The following LRBA variants were observed in gnomAD, a reference collection of about 807,000 sequenced individuals.
LRBA encodes LPS responsive beige-like anchor protein, also known as lipopolysaccharide-responsive and beige-like anchor protein.
LRBA carries 176 observed loss-of-function variants against 330.0 expected under a neutral mutation model. That is an observed-to-expected ratio of 0.53 (90% CI 0.47 to 0.60). LRBA has a LOEUF of 0.60. LRBA is among the 20% of genes least tolerant of loss of function. The pLI, the probability that LRBA is intolerant of heterozygous loss-of-function variation, is 0.00. For synonymous variants in LRBA, 1,230 were observed against 1,193.0 expected, an observed-to-expected ratio of 1.03 and a Z score of -0.64; for missense variants, 3,259 against 3,444.8, an observed-to-expected ratio of 0.95 and a Z score of 1.35.
At chr4:150,709,220 T>C (rs189394040) in intron 36 of LRBA, among the ~76,000 whole-genome samples, 5 of 151,890 alleles carry the variant, frequency 3.3e-5, no homozygotes, top group Non-Finnish European at 5.9e-5. Flanking sequence ...TTGGAAACCA[T>C]GTTCCTTCTA....
At chr4:150,463,311 T>C (rs953774481) in intron 44 of LRBA, among the ~76,000 whole-genome samples, 2 of 152,022 alleles carry the variant, frequency 1.3e-5, no homozygotes, top group Non-Finnish European at 2.9e-5. Context: ...TACTGTTCAT[T>C]ATTCAACTGT....
At chr4:150,269,852 G>A (rs1745837972) in intron 56 of LRBA, among the ~76,000 whole-genome samples, 3 of 152,242 alleles carry the variant, frequency 2.0e-5, no homozygotes, top group African/African-American at 7.2e-5. Flanking sequence ...GCTGAGGCGG[G>A]AGAATCATTT....
chr4:150,871,594 A>G (rs563015412), intron 18 of LRBA, 141 bp from the exon 19 acceptor site: 70 of 547,618 alleles, frequency 1.3e-4, no homozygotes, highest in African/African-American at 1.1e-3. Context: ...ACTATCTTCA[A>G]TCTAGAACTT....
intron 35 of LRBA, among the ~76,000 whole-genome samples, chr4:150,759,902 A>G (rs538343006): frequency 2.0e-5 from 3 of 152,268 alleles, no homozygotes; most frequent in Admixed American, 6.5e-5. Context: ...AATGCTCTTA[A>G]TCTTAAGTCT....
chr4:150,878,309 A>G (rs936085010), intron 17 of LRBA, among the ~76,000 whole-genome samples: 1 of 152,150 alleles, frequency 6.6e-6, no homozygotes, highest in Non-Finnish European at 1.5e-5. Context: ...ACTGCACTCC[A>G]GCCTGGGTGA....
chr4:150,703,669 T>G (rs1561533537), intron 36 of LRBA, among the ~76,000 whole-genome samples: 1 of 152,130 alleles, frequency 6.6e-6, no homozygotes. Context: ...CAAAAGGTAG[T>G]AAAGGTCAGC....
chr4:150,541,032 A>G (rs1275425627), intron 40 of LRBA, among the ~76,000 whole-genome samples: 2 of 152,184 alleles, frequency 1.3e-5, no homozygotes, highest in African/African-American at 2.4e-5. Flanking sequence ...CAGAAAACCT[A>G]ACTAAAAAAT....
At position 150,952,625 on chromosome 4, in the gene LRBA, C is replaced by G. The variant is rs531148489; in HGVS notation, c.217-23560G>C. On this transcript the variant is annotated intron_variant, in intron 2 of 56. Transcript: ENST00000651943. ...TCATCCTGACCGTCTATAAGGCCGT[C>G]TGTTTCTCTCTCTCTTTCTCTCTGT... 2.0e-5 allele frequency among the ~76,000 whole-genome samples: 3 copies of G among 152,144 alleles called. No homozygotes were observed. The South Asian group carries it at 6.2e-4, about 32-fold the overall frequency.
chr4:150,474,727 C>T (rs1459211991), intron 42 of LRBA, among the ~76,000 whole-genome samples: 1 of 152,160 alleles, frequency 6.6e-6, no homozygotes, highest in African/African-American at 2.4e-5. Context: ...AAGAGGGCTA[C>T]TTTCTTTCTT....
chr4:150,733,798 G>A (rs1279536348), intron 36 of LRBA, among the ~76,000 whole-genome samples: 1 of 152,036 alleles, frequency 6.6e-6, no homozygotes, highest in Non-Finnish European at 1.5e-5. Context: ...GACTGTCAAA[G>A]AAAAGCTATT....
Position 150,310,265 on chromosome 4 carries a change from A to G in LRBA, c.7813T>C (p.Trp2605Arg), listed in dbSNP as rs1443796116. The G allele has an allele frequency of 6.2e-7, 1 of 1,612,822 alleles. No homozygotes were observed. Among genetic ancestry groups the G allele is most frequent in the Admixed American group, 1.7e-5 (1 of 59,928 alleles). ...GAATAGACTCTGAAACTTTTATCCC[A>G]GAAGCCACAGACGAGAATATAGCGG... is the stretch of plus-strand genomic sequence containing the variant. ...DNRYILVCGFWDKSFRVYSTD... is the reference protein window; with the variant it reads ...DNRYILVCGFRDKSFRVYSTD... Residue 2605 changes from tryptophan (W) to arginine (R), a missense_variant, in exon 52 of 57, where the codon TGG (tryptophan) becomes CGG (arginine). By Grantham distance (101) the Trp-to-Arg change is moderately radical. Coordinates refer to ENST00000651943, the MANE Select transcript of LRBA (RefSeq NM_001364905.1).
intron 33 of LRBA, among the ~76,000 whole-genome samples, chr4:150,800,596 A>G (rs945440131): frequency 2.6e-5 from 4 of 152,196 alleles, no homozygotes; most frequent in African/African-American, 9.6e-5. Context: ...ATCCAAAGGA[A>G]GGCCCTAAAA....
intron 40 of LRBA, among the ~76,000 whole-genome samples, chr4:150,505,939 C>G (rs2152123214): frequency 6.6e-6 from 1 of 152,304 alleles, no homozygotes; most frequent in Admixed American, 6.5e-5. Context: ...TCAGAGAATA[C>G]TATAAACAGC....
intron 36 of LRBA, among the ~76,000 whole-genome samples, chr4:150,707,050 T>C (rs1275516021): frequency 6.6e-6 from 1 of 151,742 alleles, no homozygotes; most frequent in East Asian, 1.9e-4. Flanking sequence ...TTATTTATAA[T>C]ATGCTAGCAT....
chr4:150,472,470 AT>A (rs1193254380), intron 42 of LRBA, among the ~76,000 whole-genome samples: 19 of 152,150 alleles, frequency 1.2e-4, no homozygotes, highest in African/African-American at 4.6e-4. Context: ...ATGCCATAAA[AT>A]TTATTCAATT....
At chr4:150,430,779 G>A (rs1413657579) in intron 46 of LRBA, among the ~76,000 whole-genome samples, 3 of 151,924 alleles carry the variant, frequency 2.0e-5, no homozygotes, top group Non-Finnish European at 2.9e-5. Flanking sequence ...AACAATCTCC[G>A]TTTCAGATCC....
At chr4:150,624,175 T>C (rs1776594297) in intron 37 of LRBA, among the ~76,000 whole-genome samples, 1 of 152,108 alleles carries the variant, frequency 6.6e-6, no homozygotes, top group Non-Finnish European at 1.5e-5. Flanking sequence ...ATTCTCATGG[T>C]TTCCTAGCAC....
intron 9 of LRBA, among the ~76,000 whole-genome samples, chr4:150,910,561 T>C (rs1359969763): frequency 6.6e-6 from 1 of 152,198 alleles, no homozygotes; most frequent in African/African-American, 2.4e-5. Flanking sequence ...GTTTTCATTA[T>C]GTATCATAGC....
chr4:150,782,536 A>C (rs1416747141), intron 34 of LRBA, among the ~76,000 whole-genome samples: 1 of 152,160 alleles, frequency 6.6e-6, no homozygotes, highest in African/African-American at 2.4e-5. Flanking sequence ...GCCAAAGAAA[A>C]CAGGGTCTCT....
Sources: gnomAD v4.1 joint callset for allele counts (sites outside exome capture counted in the v4.1 genomes callset) on GRCh38, gnomAD v4.1.1 for gene constraint, MANE v1.5 for transcripts, NCBI Gene and HGNC (gene_info 2026-07-23, HGNC 2026-07-21) for gene names.